SERPINB7: variants seen among roughly 807,000 people sequenced by gnomAD.
The protein encoded by SERPINB7 is serpin family B member 7, also known as serpin B7.
In SERPINB7, 31 loss-of-function variants were observed where a neutral mutation model predicts 37.4. That is an observed-to-expected ratio of 0.83 (90% CI 0.62 to 1.12). SERPINB7 has a LOEUF of 1.12. Ranked by LOEUF, SERPINB7 falls within the 50% of genes most tolerant of loss-of-function variation. The pLI, the probability that SERPINB7 is intolerant of heterozygous loss-of-function variation, is 0.00. For synonymous variants in SERPINB7, 163 were observed against 166.1 expected (o/e 0.98, Z 0.14); for missense variants, 521 against 455.3 (o/e 1.14, Z -1.31).
intron 4 of SERPINB7, among the ~76,000 whole-genome samples, chr18:63,794,979 A>G (rs1379576098): frequency 6.6e-6 from 1 of 152,210 alleles, no homozygotes; most frequent in South Asian, 2.1e-4. Context: ...AATTCTGAAC[A>G]TCTTTCCACA....
intron 1 of SERPINB7, among the ~76,000 whole-genome samples, chr18:63,758,777 A>C (rs2049136196): frequency 6.6e-6 from 1 of 152,228 alleles, no homozygotes; most frequent in African/African-American, 2.4e-5. Context: ...CACCAAGAAG[A>C]ATGAATACTC....
chr18:63,784,679 T>A (rs555263886), intron 2 of SERPINB7, among the ~76,000 whole-genome samples: 123 of 152,100 alleles, frequency 8.1e-4, no homozygotes, highest in Non-Finnish European at 1.6e-3. Flanking sequence ...CTTGGGAAAA[T>A]CATGTCATCT....
At chr18:63,767,198 T>C (rs1215765652) in intron 1 of SERPINB7, among the ~76,000 whole-genome samples, 1 of 152,124 alleles carries the variant, frequency 6.6e-6, no homozygotes, top group East Asian at 1.9e-4. Context: ...TTCTCACACA[T>C]TCGCCGAACT....
chr18:63,756,804 T>TTGTGTGTGTGTGTGTG (rs74169985), intron 1 of SERPINB7, among the ~76,000 whole-genome samples: 8 of 137,264 alleles, frequency 5.8e-5, no homozygotes, highest in South Asian at 2.6e-4. Flanking sequence ...TTGGGGTAGC[T>TTGTGTGTGTGTGTGTG]TGTGTGTGTG....
At chr18:63,791,509 G>A (rs1435092717) in intron 2 of SERPINB7, among the ~76,000 whole-genome samples, 1 of 152,130 alleles carries the variant, frequency 6.6e-6, no homozygotes, top group Non-Finnish European at 1.5e-5. Flanking sequence ...ATGAATTGAT[G>A]ACCTAATTTG....
intron 2 of SERPINB7, among the ~76,000 whole-genome samples, chr18:63,786,454 T>G (rs1395371815): frequency 6.6e-6 from 1 of 151,886 alleles, no homozygotes; most frequent in Non-Finnish European, 1.5e-5. Flanking sequence ...ATTTAAAAGT[T>G]GTACAAATTT....
intron 1 of SERPINB7, among the ~76,000 whole-genome samples, chr18:63,763,901 A>G (rs941540150): frequency 6.6e-6 from 1 of 152,216 alleles, no homozygotes; most frequent in East Asian, 1.9e-4. Flanking sequence ...TGAGAATTCC[A>G]TGACTTGGGA....
rs948378919 is a variant in SERPINB7, at chr18:63,784,719, C to T, written c.168+2179C>T. ...GGGCACTAGTGTCCTCACCTGTGCACGGAGGATGCTGATTTGATGATAAAA... is the reference window on the plus strand; with the variant it reads ...GGGCACTAGTGTCCTCACCTGTGCATGGAGGATGCTGATTTGATGATAAAA... On this transcript the variant is annotated intron_variant, in intron 2 of 7. Transcript: ENST00000398019. Among the ~76,000 whole-genome samples, 12 of 152,036 alleles carry T rather than the reference C, an allele frequency of 7.9e-5. No homozygotes were observed. In the South Asian group the frequency reaches 1.0e-3, roughly 13 times the overall value.
At chr18:63,761,898 T>A (rs2049156266) in intron 1 of SERPINB7, among the ~76,000 whole-genome samples, 1 of 152,212 alleles carries the variant, frequency 6.6e-6, no homozygotes. Context: ...AACAGACTAA[T>A]ACACCTGGCG....
chr18:63,799,971 T>C (rs928947737), intron 6 of SERPINB7, among the ~76,000 whole-genome samples: 2 of 152,236 alleles, frequency 1.3e-5, no homozygotes, highest in African/African-American at 4.8e-5. Context: ...TAAGAGCTAC[T>C]TATTTTTTGC....
intron 5 of SERPINB7, among the ~76,000 whole-genome samples, chr18:63,797,593 A>G (rs2049501678): frequency 6.6e-6 from 1 of 152,174 alleles, no homozygotes; most frequent in Non-Finnish European, 1.5e-5. Context: ...TATCTACTCA[A>G]TATTTATTTG....
At chr18:63,777,502 A>G (rs1052424360) in intron 1 of SERPINB7, among the ~76,000 whole-genome samples, 6 of 152,196 alleles carry the variant, frequency 3.9e-5, no homozygotes, top group Admixed American at 3.9e-4. Context: ...TAATGTAAGG[A>G]TATCTAAATT....
chr18:63,798,611 C>A lies in SERPINB7; in HGVS notation c.462C>A (p.Ile154=). Residue 154 remains isoleucine, a synonymous_variant, in exon 6 of 8, where the codon ATC becomes ATA. Coordinates refer to ENST00000398019, the MANE Select transcript of SERPINB7 (RefSeq NM_003784.4). Reference sequence around the variant, plus strand: ...CAATTTTTTTTTCAAAAGGCAAAATCAAGAACGTGATTGGTGAAGGTGGCA... The same window carrying A: ...CAATTTTTTTTTCAAAAGGCAAAATAAAGAACGTGATTGGTGAAGGTGGCA... ...KWVENETHGK[I]KNVIGEGGIS... is the part of the protein sequence containing the mutation. 1.9e-6 allele frequency: 3 copies of A among 1,542,936 alleles called. No homozygotes were observed. The highest frequency in any genetic ancestry group is 1.4e-5 in the African/African-American group (1 of 71,608).
chr18:63,793,370 A>G, intron 4 of SERPINB7, 93 bp downstream of exon 4: 1 of 613,910 alleles, frequency 1.6e-6, no homozygotes, highest in Non-Finnish European at 2.8e-6. Flanking sequence ...CAATACAAAG[A>G]TGGTTTTGTT....
intron 2 of SERPINB7, among the ~76,000 whole-genome samples, chr18:63,787,102 A>G (rs1305349758): frequency 1.3e-5 from 2 of 152,166 alleles, no homozygotes; most frequent in Non-Finnish European, 2.9e-5. Flanking sequence ...ACTACATTTT[A>G]AATCTTTTTA....
At chr18:63,763,498 G>A (rs924457181) in intron 1 of SERPINB7, among the ~76,000 whole-genome samples, 1 of 152,232 alleles carries the variant, frequency 6.6e-6, no homozygotes, top group South Asian at 2.1e-4. Flanking sequence ...CTAAAAATAG[G>A]TTTGTCTTCT....
At chr18:63,766,824 T>A (rs551772101) in intron 1 of SERPINB7, among the ~76,000 whole-genome samples, 34 of 152,274 alleles carry the variant, frequency 2.2e-4, no homozygotes, top group African/African-American at 6.5e-4. Flanking sequence ...CAAACCATTA[T>A]CAAAACAACT....
Position 63,805,096 on chromosome 18 carries a change from T to C in SERPINB7, c.*461T>C, listed in dbSNP as rs897462692. ...AATTTTCTTTGTTGACCTATGAAGA[T>C]TTTAGAGTTTACCTTCATATGTTTG... On this transcript the variant is annotated 3_prime_UTR_variant, in exon 8 of 8. Transcript: ENST00000398019. 6.4e-6 allele frequency: 1 copy of C among 156,266 alleles called. No homozygotes were observed. The highest frequency in any genetic ancestry group is 2.4e-5 in the African/African-American group (1 of 41,502). 9.7% of individuals were successfully genotyped at this position (156,266 alleles called of 1,614,324 possible).
At chr18:63,801,188 T>G (rs2049544960) in intron 7 of SERPINB7, among the ~76,000 whole-genome samples, 176 bp downstream of exon 7, 1 of 152,218 alleles carries the variant, frequency 6.6e-6, no homozygotes, top group South Asian at 2.1e-4. Context: ...GACATCATTA[T>G]AGTTGCTGAG....
Sources: allele counts gnomAD v4.1 joint callset (sites outside exome capture counted in the v4.1 genomes callset), GRCh38; gene constraint gnomAD v4.1.1; transcripts MANE v1.5; gene names NCBI Gene and HGNC (gene_info 2026-07-23, HGNC 2026-07-21).